Variants in OSBP2 observed in about 807,000 individuals in gnomAD.
OSBP2 encodes the protein oxysterol-binding protein 2.
In OSBP2, 66 loss-of-function variants were observed where a neutral mutation model predicts 96.0. The observed-to-expected ratio is 0.69, with a 90% CI of 0.56 to 0.84. The LOEUF (loss-of-function observed/expected upper bound fraction) is 0.84. OSBP2 is among the 40% of genes least tolerant of loss of function. The pLI, the probability that OSBP2 is intolerant of heterozygous loss-of-function variation, is 0.00. For missense variants in OSBP2, 1,038 were observed against 1,222.7 expected (o/e 0.85, Z 2.25); for synonymous variants, 525 against 520.9 (o/e 1.01, Z -0.11).
At chr22:30,895,136 C>T (rs752653525) in intron 12 of OSBP2, among the ~76,000 whole-genome samples, 4 of 152,144 alleles carry the variant, frequency 2.6e-5, no homozygotes, top group Non-Finnish European at 4.4e-5. Context: ...AAGGCCCCCC[C>T]GCCATGCTGC....
chr22:30,884,348 G>C (rs568737736), intron 3 of OSBP2, among the ~76,000 whole-genome samples: 43 of 152,302 alleles, frequency 2.8e-4, no homozygotes, highest in African/African-American at 1.0e-3. Context: ...TGTGGGCACA[G>C]CATCTGTCGG....
Position 30,893,462 on chromosome 22 carries a change from G to A in OSBP2, c.1991-1G>A. 1 of 1,613,444 alleles carries A rather than the reference G, an allele frequency of 6.2e-7. No homozygotes were observed. The highest frequency in any genetic ancestry group is 8.5e-7 in the Non-Finnish European group (1 of 1,179,334). The stretch of plus-strand genomic sequence containing the variant: ...ACCTCTGACCTGTCCCCTGCCTCCA[G>A]GTGCCATCCACTTAGAATTCCAGGC... On this transcript the variant is annotated splice_acceptor_variant, in intron 9 of 13. Coordinates refer to ENST00000332585, the MANE Select transcript of OSBP2 (RefSeq NM_030758.4). LOFTEE classifies it high-confidence loss of function.
rs201100084 is a variant in OSBP2, at chr22:30,695,442, C to A, written c.533C>A (p.Ala178Asp). 1 of 1,613,746 alleles carries A rather than the reference C, an allele frequency of 6.2e-7. No individual in the cohort carries two copies. Among genetic ancestry groups the A allele is most frequent in the East Asian group, 2.2e-5 (1 of 44,886 alleles). The part of the protein sequence containing the change: ...GTGTTSSAPL[A>D]LLPLDSFEGW... The stretch of plus-strand genomic sequence containing the variant: ...GGCACGACCTCCAGTGCCCCACTGG[C>A]CTTACTGCCTCTGGACAGCTTCGAG... The change falls in exon 1 of 14, where the codon GCC becomes GAC. Residue 178 changes from alanine to aspartate, a missense_variant. Physicochemically the swap from Ala to Asp is moderately radical, Grantham distance 126. Transcript: ENST00000332585.
intron 2 of OSBP2, among the ~76,000 whole-genome samples, chr22:30,838,643 T>C (rs913437868): frequency 3.3e-5 from 5 of 152,180 alleles, no homozygotes; most frequent in Admixed American, 2.6e-4. Context: ...TTCCCTTTTA[T>C]TCCTAGTTTT....
chr22:30,906,282 C>T lies in OSBP2; in HGVS notation c.2694C>T (p.Gly898=), dbSNP rs781363040. 1.9e-6 allele frequency: 3 copies of T among 1,613,914 alleles called. No individual in the cohort carries two copies. Among genetic ancestry groups the T allele is most frequent in the Admixed American group, 3.3e-5 (2 of 59,998 alleles). The part of the protein sequence containing the change: ...LTGEMACVYK[G]GYWEAKEKQD... ...GGGAGATGGCCTGTGTGTACAAGGG[C>T]GGCTACTGGGAGGCCAAGGAGAAGC... Residue 898 remains glycine (G), a synonymous_variant, in exon 14 of 14, where the codon GGC becomes GGT. Transcript: ENST00000332585.
intron 12 of OSBP2, among the ~76,000 whole-genome samples, chr22:30,900,048 C>T (rs902355068): frequency 3.3e-5 from 5 of 152,234 alleles, no homozygotes; most frequent in African/African-American, 7.2e-5. Context: ...CACCTGAGGT[C>T]GGGAGTTTGA....
At position 30,870,060 on chromosome 22, in the gene OSBP2, C is replaced by T. The variant is rs971030081; in HGVS notation, c.854-369C>T. Among the ~76,000 whole-genome samples, 4 of 152,216 alleles carry T rather than the reference C, an allele frequency of 2.6e-5. No individual in the cohort carries two copies. Among genetic ancestry groups the T allele is most frequent in the Admixed American group, 6.5e-5 (1 of 15,288 alleles). On this transcript the variant is annotated intron_variant, in intron 2 of 13. Transcript: ENST00000332585. This position sits in a 1 kb window ranked among gnomAD's most constrained non-coding sequence, Gnocchi z 4.1. ...GCCTCTGTGCCCAGAGAGCAGTCTC[C>T]ACCTCTCCACCCAGCAGAGCCCATC...
intron 2 of OSBP2, among the ~76,000 whole-genome samples, chr22:30,796,694 CA>C (rs935728133): frequency 3.5e-4 from 53 of 152,032 alleles, no homozygotes; most frequent in African/African-American, 1.3e-3. Context: ...TTAGTAGAGA[CA>C]GGGGGGTTCA....
intron 2 of OSBP2, among the ~76,000 whole-genome samples, chr22:30,868,096 C>T (rs944427626): frequency 6.6e-6 from 1 of 152,252 alleles, no homozygotes; most frequent in African/African-American, 2.4e-5. Context: ...AGATCTACCT[C>T]ACGGGGTCTT....
intron 2 of OSBP2, among the ~76,000 whole-genome samples, chr22:30,769,441 G>A (rs888394076): frequency 1.3e-5 from 2 of 152,156 alleles, no homozygotes; most frequent in Non-Finnish European, 2.9e-5. Context: ...CTGAGGTCAG[G>A]AGTTTGAGAC....
chr22:30,725,068 C>A (rs1203426728), intron 1 of OSBP2, among the ~76,000 whole-genome samples: 4 of 150,058 alleles, frequency 2.7e-5, no homozygotes, highest in Non-Finnish European at 4.4e-5. Context: ...CCCAGCTACT[C>A]GGGAGGCTGA....
intron 1 of OSBP2, among the ~76,000 whole-genome samples, chr22:30,699,966 C>CTTTTTTTT (rs1015256785): frequency 7.1e-6 from 1 of 141,086 alleles, no homozygotes; most frequent in African/African-American, 2.6e-5. Context: ...TTCTTTTTTT[C>CTTTTTTTT]TTTTTTTTTT....
intron 1 of OSBP2, among the ~76,000 whole-genome samples, chr22:30,722,663 C>G (rs1316187746): frequency 1.3e-5 from 2 of 150,816 alleles, no homozygotes; most frequent in African/African-American, 4.9e-5. Flanking sequence ...TTCCTTCCCT[C>G]TCTTTTTCTC....
chr22:30,866,431 G>C (rs2039340151), intron 2 of OSBP2, among the ~76,000 whole-genome samples: 1 of 152,198 alleles, frequency 6.6e-6, no homozygotes, highest in Non-Finnish European at 1.5e-5. Context: ...GACTTCCAGA[G>C]CTGTAAGATA....
At chr22:30,849,260 C>A (rs2038930863) in intron 2 of OSBP2, among the ~76,000 whole-genome samples, 1 of 151,916 alleles carries the variant, frequency 6.6e-6, no homozygotes, top group South Asian at 2.1e-4. Context: ...CAGAGTGAGA[C>A]CCTATCTCAA....
At chr22:30,817,577 G>C (rs764893662) in intron 2 of OSBP2, among the ~76,000 whole-genome samples, 4 of 152,250 alleles carry the variant, frequency 2.6e-5, no homozygotes, top group Admixed American at 6.5e-5. Flanking sequence ...GCAGACAGAA[G>C]GGAACAGTGA....
At chr22:30,809,632 G>T (rs976983605) in intron 2 of OSBP2, among the ~76,000 whole-genome samples, 2 of 152,212 alleles carry the variant, frequency 1.3e-5, no homozygotes, top group African/African-American at 4.8e-5. Context: ...GCTGTGGTTT[G>T]CAAAGGACTT....
chr22:30,906,400 A>C lies in OSBP2; in HGVS notation c.*61A>C. 1.3e-6 allele frequency: 2 copies of C among 1,518,130 alleles called. No individual in the cohort carries two copies. Among genetic ancestry groups the C allele is most frequent in the Non-Finnish European group, 8.8e-7 (1 of 1,130,196 alleles). 94.0% of individuals were successfully genotyped at this position (1,518,130 alleles called of 1,614,324 possible). ...GCCTGGCCCACCTGTTCATTAATGCACTCAATTTAGTACTGAATGGTCTTT... is the reference window on the plus strand; with the variant it reads ...GCCTGGCCCACCTGTTCATTAATGCCCTCAATTTAGTACTGAATGGTCTTT... On this transcript the variant is annotated 3_prime_UTR_variant, in exon 14 of 14. Coordinates refer to ENST00000332585, the MANE Select transcript of OSBP2 (RefSeq NM_030758.4).
Position 30,741,353 on chromosome 22 carries a change from G to C in OSBP2, c.837G>C (p.Val279=). 3.1e-6 allele frequency: 5 copies of C among 1,609,774 alleles called. No homozygotes were observed. The highest frequency in any genetic ancestry group is 4.2e-6 in the Non-Finnish European group (5 of 1,179,444). Residue 279 remains valine, a synonymous_variant, in exon 2 of 14, where the codon GTG becomes GTC. Coordinates refer to ENST00000332585, the MANE Select transcript of OSBP2 (RefSeq NM_030758.4). The part of the protein sequence containing the change: ...LELAKAKAVR[V]MNTHSDDSGD... ...TGGCCAAGGCCAAGGCTGTCCGCGT[G>C]ATGAACACTCATTCAGGTAGTGAGC... is the stretch of plus-strand genomic sequence containing the variant.
Sources: allele counts gnomAD v4.1 joint callset (sites outside exome capture counted in the v4.1 genomes callset), GRCh38; gene constraint gnomAD v4.1.1; non-coding constraint Gnocchi (gnomAD v3.1); transcripts MANE v1.5; gene names NCBI Gene and HGNC (gene_info 2026-07-23, HGNC 2026-07-21).